The following DUOXA1 variants were observed in gnomAD, a reference collection of about 807,000 sequenced individuals.
DUOXA1 encodes the protein dual oxidase activator 1.
A neutral mutation model predicts 26.6 loss-of-function variants in DUOXA1; 19 were observed. The observed-to-expected ratio is 0.71, with a 90% CI of 0.50 to 1.05. The LOEUF is 1.05. Ranked by LOEUF, DUOXA1 falls within the 50% of genes least tolerant of loss-of-function variation. The probability of loss-of-function intolerance (pLI) is 0.00; values close to 1 mark genes in which losing one functional copy is unlikely to be tolerated. For missense variants in DUOXA1, 403 were observed against 427.5 expected, an observed-to-expected ratio of 0.94 and a Z score of 0.51; for synonymous variants, 166 against 177.0, an observed-to-expected ratio of 0.94 and a Z score of 0.49.
intron 3 of DUOXA1, among the ~76,000 whole-genome samples, chr15:45,127,187 G>A (rs16977754): frequency 0.02 from 3,036 of 152,264 alleles, 49 homozygotes; most frequent in East Asian, 0.056. Flanking sequence ...AGAAGATAAA[G>A]CGAGGCTAAC....
chr15:45,127,980 A>G (rs972255975), intron 3 of DUOXA1, among the ~76,000 whole-genome samples: 2 of 151,992 alleles, frequency 1.3e-5, no homozygotes, highest in Non-Finnish European at 2.9e-5. Context: ...CCTGTGACAA[A>G]ATTGGGATGC....
At chr15:45,122,770 G>A (rs1566994065) in intron 4 of DUOXA1, 98 bp downstream of exon 4, 3 of 1,423,134 alleles carry the variant, frequency 2.1e-6, no homozygotes, top group South Asian at 1.5e-5. Flanking sequence ...CCGCACTGGG[G>A]TCTCCTTCCT....
In DUOXA1 at chr15:45,120,609, G is replaced by A. The variant is rs976700740; in HGVS notation, c.537C>T (p.Tyr179=). ...LYRQYRLAGH[Y]TSAMLWVAFL... ...ATCCTCACCATAGCATGGCTGAGGT[G>A]TAGTGTCCCGCCAGGCGGTACTGGC... The change falls in exon 7 of 9, where the codon TAC becomes TAT. Residue 179 remains tyrosine, a synonymous_variant. Coordinates refer to ENST00000560572, the MANE Select transcript of DUOXA1 (RefSeq NM_001276266.2). The A allele has an allele frequency of 2.5e-6, 4 of 1,614,030 alleles. No homozygotes were observed. The highest frequency in any genetic ancestry group is 3.4e-6 in the Non-Finnish European group (4 of 1,180,020).
chr15:45,122,211 C>T lies in DUOXA1; in HGVS notation c.179G>A (p.Ser60Asn), dbSNP rs781321374. ...RLFWLLRVVTSLFIGAAILAV... is the reference protein window; with the variant it reads ...RLFWLLRVVTNLFIGAAILAV... ...CAGGATTGCAGCCCCGATGAATAAG[C>T]TGGTCACCACCCGAAGCAGCCAGAA... is the stretch of plus-strand genomic sequence containing the variant. Residue 60 changes from serine to asparagine, a missense_variant, in exon 5 of 9, where the codon AGC becomes AAC. By Grantham distance (46) the Ser-to-Asn change is conservative (BLOSUM62 1). Transcript: ENST00000560572. 6.2e-7 allele frequency: 1 copy of T among 1,605,388 alleles called. No homozygotes were observed. The highest frequency in any genetic ancestry group is 1.3e-5 in the African/African-American group (1 of 74,960).
In DUOXA1 at chr15:45,118,867, G is replaced by A. The variant is rs1240889914; in HGVS notation, c.*239C>T. The A allele has an allele frequency of 2.4e-6, 3 of 1,234,908 alleles. No homozygotes were observed. Among genetic ancestry groups the A allele is most frequent in the Admixed American group, 8.0e-5 (2 of 25,074 alleles). 76.5% of individuals were successfully genotyped at this position (1,234,908 alleles called of 1,614,324 possible). On this transcript the variant is annotated 3_prime_UTR_variant, in exon 9 of 9. Coordinates refer to ENST00000560572, the MANE Select transcript of DUOXA1 (RefSeq NM_001276266.2). ...GTGCAGATAAGCTAGCCCCTGCTTG[G>A]CCTTATCATGGCAACAGGCTTTATG...
chr15:45,117,612 A>G lies in DUOXA1; in HGVS notation c.*1494T>C. The G allele has an allele frequency of 6.2e-7, 1 of 1,613,530 alleles. No individual in the cohort carries two copies. On this transcript the variant is annotated 3_prime_UTR_variant, in exon 9 of 9. Transcript: ENST00000560572. The stretch of plus-strand genomic sequence containing the variant: ...ACGCCTGTAATCCCAGCACTTTGGG[A>G]GGTCGAGGCAGGAAGGTCGTTTGAG...
chr15:45,122,287 C>T (rs1895291352), intron 4 of DUOXA1, 45 bp from the exon 5 acceptor site: 1 of 1,554,860 alleles, frequency 6.4e-7, no homozygotes, highest in East Asian at 2.3e-5. Flanking sequence ...GCCTTCCTTC[C>T]ACATCTACCC....
At chr15:45,125,954 G>A (rs1306303212) in intron 3 of DUOXA1, among the ~76,000 whole-genome samples, 1 of 152,126 alleles carries the variant, frequency 6.6e-6, no homozygotes, top group Non-Finnish European at 1.5e-5. Flanking sequence ...ATGTTCCCTT[G>A]ATGCCTGAAA....
intron 8 of DUOXA1, 96 bp downstream of exon 8, chr15:45,120,007 C>T: frequency 6.9e-7 from 1 of 1,439,174 alleles, no homozygotes; most frequent in Admixed American, 1.7e-5. Flanking sequence ...TCCTGGCCTC[C>T]AGGAACAGAC....
chr15:45,128,116 A>G (rs1895823501), intron 3 of DUOXA1, among the ~76,000 whole-genome samples: 1 of 152,168 alleles, frequency 6.6e-6, no homozygotes, highest in African/African-American at 2.4e-5. Flanking sequence ...CCTTATGCTC[A>G]ATCTTATTAT....
rs751492604 is a variant in DUOXA1 at position 45,117,838 on chromosome 15, C to T, written c.*1268G>A. Reference sequence around the variant, plus strand: ...CAGCCAGGAGAGAGGGGGCTCACCTCTTATCCTCGGCGACCCACTGCACAA... The same window carrying T: ...CAGCCAGGAGAGAGGGGGCTCACCTTTTATCCTCGGCGACCCACTGCACAA... On this transcript the variant is annotated 3_prime_UTR_variant, in exon 9 of 9. Transcript: ENST00000560572. 1.9e-6 allele frequency: 3 copies of T among 1,613,708 alleles called. No individual in the cohort carries two copies. The highest frequency in any genetic ancestry group is 3.3e-5 in the Admixed American group (2 of 60,008).
At chr15:45,125,314 C>T in intron 3 of DUOXA1, among the ~76,000 whole-genome samples, 1 of 152,208 alleles carries the variant, frequency 6.6e-6, no homozygotes, top group East Asian at 1.9e-4. Context: ...TCCCCCTTCC[C>T]ATCATAGCGT....
Position 45,118,684 on chromosome 15 carries a change from G to T in DUOXA1, c.*422C>A, listed in dbSNP as rs1053393568. ...TGGAGAAGTAAAGGAAGAACAAAAG[G>T]AACCCAGGAAAAAGGAAAACAAGAG... On this transcript the variant is annotated 3_prime_UTR_variant, in exon 9 of 9. Transcript: ENST00000560572. 1.0e-6 allele frequency: 1 copy of T among 993,904 alleles called. No homozygotes were observed. The highest frequency in any genetic ancestry group is 1.7e-5 in the African/African-American group (1 of 57,526). 61.6% of individuals were successfully genotyped at this position (993,904 alleles called of 1,614,324 possible).
At chr15:45,123,321 C>T (rs995747019) in intron 3 of DUOXA1, among the ~76,000 whole-genome samples, 1 of 152,172 alleles carries the variant, frequency 6.6e-6, no homozygotes, top group Admixed American at 6.5e-5. Context: ...GCTACCACCA[C>T]CCTGGGGGCT....
intron 4 of DUOXA1, among the ~76,000 whole-genome samples, 170 bp downstream of exon 4, chr15:45,122,698 A>G (rs1267714133): frequency 1.1e-4 from 17 of 152,152 alleles, no homozygotes; most frequent in Non-Finnish European, 1.5e-5. Context: ...CCAGCGCTCA[A>G]TAGTGAACTG....
Position 45,117,437 on chromosome 15 carries a change from A to G in DUOXA1, c.*1669T>C, listed in dbSNP as rs1894712574. 4.6e-6 allele frequency: 7 copies of G among 1,528,842 alleles called. No homozygotes were observed. Among genetic ancestry groups the G allele is most frequent in the Non-Finnish European group, 6.2e-6 (7 of 1,133,706 alleles). The allele number at this position is 1,528,842 out of a possible 1,614,324, so 94.7% of individuals were successfully genotyped here. Reference sequence around the variant, plus strand: ...GCCCCTCTCAATAGTTCGCAGAAACAGGCACTGTTATGACCATTTTACAGA... The same window carrying G: ...GCCCCTCTCAATAGTTCGCAGAAACGGGCACTGTTATGACCATTTTACAGA... On this transcript the variant is annotated 3_prime_UTR_variant, in exon 9 of 9. Transcript: ENST00000560572.
chr15:45,117,735 C>T lies in DUOXA1; in HGVS notation c.*1371G>A. The T allele has an allele frequency of 1.2e-6, 2 of 1,612,870 alleles. No homozygotes were observed. The highest frequency in any genetic ancestry group is 1.3e-5 in the African/African-American group (1 of 75,044). On this transcript the variant is annotated 3_prime_UTR_variant, in exon 9 of 9. Transcript: ENST00000560572. ...CCACAGGCGTCCTGTGCCTCTTCCT[C>T]GGAGGGGCCGTGGTGAGTCTCCAGT... is the stretch of plus-strand genomic sequence containing the variant.
At position 45,118,221 on chromosome 15, in the gene DUOXA1, C is replaced by G; in HGVS notation, c.*885G>C. On this transcript the variant is annotated 3_prime_UTR_variant, in exon 9 of 9. Coordinates refer to ENST00000560572, the MANE Select transcript of DUOXA1 (RefSeq NM_001276266.2). ...CTCCGCAGTGCTGTGAAACCTGATT[C>G]TCTGCGTCGACTCCAGAGTAATAGG... 1 of 1,413,074 alleles carries G rather than the reference C, an allele frequency of 7.1e-7. No individual in the cohort carries two copies. The highest frequency in any genetic ancestry group is 9.2e-7 in the Non-Finnish European group (1 of 1,090,408). The allele number at this position is 1,413,074 out of a possible 1,614,324, so 87.5% of individuals were successfully genotyped here. A position where few individuals can be genotyped will look rare whatever the true frequency, so the allele number is the denominator to read the frequency against.
chr15:45,117,953 G>A lies in DUOXA1; in HGVS notation c.*1153C>T. ...TCCTTCCCCGCCTTGGGACATCGCA[G>A]GCCGGGAAGCAGTGCCCGCCAGGCC... is the stretch of plus-strand genomic sequence containing the variant. On this transcript the variant is annotated 3_prime_UTR_variant, in exon 9 of 9. Coordinates refer to ENST00000560572, the MANE Select transcript of DUOXA1 (RefSeq NM_001276266.2). The A allele has an allele frequency of 5.6e-6, 9 of 1,612,906 alleles. No individual in the cohort carries two copies. The highest frequency in any genetic ancestry group is 7.6e-6 in the Non-Finnish European group (9 of 1,179,782).
Sources: allele counts gnomAD v4.1 joint callset (sites outside exome capture counted in the v4.1 genomes callset), GRCh38; gene constraint gnomAD v4.1.1; transcripts MANE v1.5; gene names NCBI Gene and HGNC (gene_info 2026-07-23, HGNC 2026-07-21).